NTN1: variants seen among roughly 807,000 people sequenced by gnomAD.
NTN1 encodes netrin-1.
A neutral mutation model predicts 54.2 loss-of-function variants in NTN1; 11 were observed. The ratio of observed to expected loss-of-function variants is 0.20; its 90% confidence interval spans 0.13 to 0.34. The LOEUF (loss-of-function observed/expected upper bound fraction) is 0.34. Ranked by LOEUF, NTN1 falls within the 10% of genes least tolerant of loss-of-function variation. The pLI, the probability that NTN1 is intolerant of heterozygous loss-of-function variation, is 1.00. For missense variants in NTN1, 740 were observed against 893.1 expected, an observed-to-expected ratio of 0.83 and a Z score of 2.18; for synonymous variants, 371 against 382.0, an observed-to-expected ratio of 0.97 and a Z score of 0.33.
At chr17:9,159,000 G>A (rs1039431253) in intron 2 of NTN1, among the ~76,000 whole-genome samples, 1 of 152,140 alleles carries the variant, frequency 6.6e-6, no homozygotes, top group African/African-American at 2.4e-5. Flanking sequence ...GAGTGACTTG[G>A]CAGTGACTCT....
intron 2 of NTN1, among the ~76,000 whole-genome samples, chr17:9,087,010 C>A (rs1597482641): frequency 6.6e-6 from 1 of 152,310 alleles, no homozygotes; most frequent in Admixed American, 6.5e-5. Flanking sequence ...GCTCTTTGCA[C>A]ACATTGTCTC....
chr17:9,137,520 CA>C (rs1338086224), intron 2 of NTN1, among the ~76,000 whole-genome samples: 1 of 152,190 alleles, frequency 6.6e-6, no homozygotes, highest in East Asian at 1.9e-4. Context: ...CGGCCTGGCA[CA>C]ATGGCTCACG....
In NTN1 at chr17:9,162,975, C is replaced by G; in HGVS notation, c.1181C>G (p.Pro394Arg). 6.2e-7 allele frequency: 1 copy of G among 1,612,266 alleles called. No homozygotes were observed. The highest frequency in any genetic ancestry group is 8.5e-7 in the Non-Finnish European group (1 of 1,179,216). Reference protein sequence around the residue: ...KEGYYRDMGKPITHRKACKAC... With the variant: ...KEGYYRDMGKRITHRKACKAC... ...GGCTACTACCGCGACATGGGCAAGC[C>G]CATCACCCACCGGAAGGCCTGCAAA... The change falls in exon 3 of 7, where the codon CCC becomes CGC. Residue 394 changes from proline (P) to arginine (R), a missense_variant. Coordinates refer to ENST00000173229, the MANE Select transcript of NTN1 (RefSeq NM_004822.3).
At chr17:9,228,147 G>A (rs1266703291) in intron 6 of NTN1, among the ~76,000 whole-genome samples, 2 of 152,174 alleles carry the variant, frequency 1.3e-5, no homozygotes, top group African/African-American at 4.8e-5. Flanking sequence ...GAAGGAGGGG[G>A]TGTGGCCGGG....
rs758331247 is a variant in NTN1 at position 9,172,219 on chromosome 17, G to A, written c.1208-7588G>A. On this transcript the variant is annotated intron_variant, in intron 3 of 6. Coordinates refer to ENST00000173229, the MANE Select transcript of NTN1 (RefSeq NM_004822.3). The stretch of plus-strand genomic sequence containing the variant: ...ACCTTTTAAGAAGCCCTTTCTAGGC[G>A]GGGTGCGGTGGCTCACGCCTGTAAT... Among the ~76,000 whole-genome samples, 7 of 152,142 alleles carry A rather than the reference G, an allele frequency of 4.6e-5. 1 individual carries two copies. Among genetic ancestry groups the A allele is most frequent in the Non-Finnish European group, 7.4e-5 (5 of 67,992 alleles).
intron 6 of NTN1, among the ~76,000 whole-genome samples, chr17:9,225,912 C>G (rs1049122659): frequency 6.6e-6 from 1 of 152,222 alleles, no homozygotes; most frequent in African/African-American, 2.4e-5. Flanking sequence ...CCAGCAGCCC[C>G]GGACCCCCTT....
chr17:9,022,739 C>G lies in NTN1; in HGVS notation c.366C>G (p.Ser122=), dbSNP rs2091856298. The G allele has an allele frequency of 1.2e-6, 2 of 1,608,172 alleles. No individual in the cohort carries two copies. The highest frequency in any genetic ancestry group is 1.7e-5 in the Admixed American group (1 of 59,594). Reference sequence around the variant, plus strand: ...CGCACAACCTGACGTGCTGGCAGTCCGAGAACTACCTGCAGTTCCCGCACA... The same window carrying G: ...CGCACAACCTGACGTGCTGGCAGTCGGAGAACTACCTGCAGTTCCCGCACA... The part of the protein sequence containing the change: ...NNPHNLTCWQ[S]ENYLQFPHNV... The change falls in exon 2 of 7, where the codon TCC becomes TCG. Residue 122 remains serine (S), a synonymous_variant. Transcript: ENST00000173229.
At chr17:9,095,004 A>G (rs192991343) in intron 2 of NTN1, among the ~76,000 whole-genome samples, 13,205 of 151,092 alleles carry the variant, frequency 0.087, 686 homozygotes, top group Middle Eastern at 0.15. Context: ...AAAAAAAAAA[A>G]AAAAAAAAGA....
intron 5 of NTN1, among the ~76,000 whole-genome samples, chr17:9,196,045 A>G (rs1904624853): frequency 6.6e-6 from 1 of 151,914 alleles, no homozygotes; most frequent in Non-Finnish European, 1.5e-5. Flanking sequence ...GCCCCTTCTC[A>G]GCTCAAAATC....
the NTN1 span, among the ~76,000 whole-genome samples, chr17:9,005,306 G>A: frequency 6.6e-6 from 1 of 152,126 alleles, no homozygotes; most frequent in Non-Finnish European, 1.5e-5. Context: ...GTGATATTGA[G>A]GCCTAAAGTG....
intron 2 of NTN1, among the ~76,000 whole-genome samples, chr17:9,084,645 GTTTTTTTTTTTTT>G (rs35003160): frequency 3.6e-5 from 3 of 83,318 alleles, no homozygotes; most frequent in African/African-American, 8.2e-5. Context: ...GTTCTTTGCA[GTTTTTTTTTTTTT>G]TTTTTTTTTT....
At chr17:9,099,032 G>T (rs779106636) in intron 2 of NTN1, among the ~76,000 whole-genome samples, 1 of 152,038 alleles carries the variant, frequency 6.6e-6, no homozygotes, top group African/African-American at 2.4e-5. Flanking sequence ...TTTGCATATT[G>T]TTTTGTAACC....
Position 9,096,361 on chromosome 17 carries a change from G to C in NTN1, c.1019-66452G>C, listed in dbSNP as rs575903731. Among the ~76,000 whole-genome samples, 483 of 96,246 alleles carry C rather than the reference G, an allele frequency of 5.0e-3. 1 individual carries two copies. The highest frequency in any genetic ancestry group is 7.8e-3 in the Non-Finnish European group (376 of 47,986). 63.1% of individuals were successfully genotyped at this position (96,246 alleles called of 152,430 possible). ...GGGGCTGTCTTCCTGGGTTTTATGG[G>C]TAGACTTTTTTTTTTTTTTTTTTTT... is the stretch of plus-strand genomic sequence containing the variant. On this transcript the variant is annotated intron_variant, in intron 2 of 6. Transcript: ENST00000173229.
At chr17:9,205,777 C>G (rs576870953) in intron 5 of NTN1, among the ~76,000 whole-genome samples, 27 of 152,324 alleles carry the variant, frequency 1.8e-4, no homozygotes, top group African/African-American at 6.3e-4. Context: ...GGAATGGGCC[C>G]CCACCGGCCA....
chr17:9,186,655 C>T (rs75293414), intron 5 of NTN1, among the ~76,000 whole-genome samples: 1,895 of 152,264 alleles, frequency 0.012, 39 homozygotes, highest in African/African-American at 0.043. Context: ...CCACAGAGCC[C>T]GGCAGCTGAA....
the NTN1 span, among the ~76,000 whole-genome samples, chr17:9,013,530 A>G: frequency 6.6e-6 from 1 of 152,046 alleles, no homozygotes. Flanking sequence ...ATATTTTTCT[A>G]TCATCTTCAC....
intron 2 of NTN1, among the ~76,000 whole-genome samples, chr17:9,147,042 C>A (rs1256839713): frequency 2.0e-5 from 3 of 152,146 alleles, no homozygotes; most frequent in African/African-American, 7.2e-5. Context: ...TATGGAGCCA[C>A]CATCTCTCCA....
At chr17:9,134,882 C>T (rs1483227302) in intron 2 of NTN1, among the ~76,000 whole-genome samples, 1 of 152,188 alleles carries the variant, frequency 6.6e-6, no homozygotes, top group Non-Finnish European at 1.5e-5. Flanking sequence ...TTCCTCCTGC[C>T]CTGCTTTTGG....
chr17:9,208,218 C>A (rs1007328584), intron 5 of NTN1, among the ~76,000 whole-genome samples: 2 of 152,088 alleles, frequency 1.3e-5, no homozygotes, highest in Non-Finnish European at 2.9e-5. Context: ...GGCCACAGAT[C>A]GACACTCCAT....
Sources: gnomAD v4.1 joint callset for allele counts (sites outside exome capture counted in the v4.1 genomes callset) on GRCh38, gnomAD v4.1.1 for gene constraint, MANE v1.5 for transcripts, NCBI Gene and HGNC (gene_info 2026-07-23, HGNC 2026-07-21) for gene names.